The following WNT5A variants were observed in gnomAD, a reference collection of about 807,000 sequenced individuals.
WNT5A encodes the protein protein Wnt-5a.
WNT5A carries 9 observed loss-of-function variants against 42.1 expected under a neutral mutation model. The ratio of observed to expected loss-of-function variants is 0.21; its 90% CI spans 0.13 to 0.37. The LOEUF (loss-of-function observed/expected upper bound fraction) is 0.37, where lower values mean the gene tolerates loss of function less well. Ranked by LOEUF, WNT5A falls within the 10% of genes least tolerant of loss-of-function variation. The probability of loss-of-function intolerance (pLI) is 1.00; values close to 1 mark genes in which losing one functional copy is unlikely to be tolerated. For synonymous variants in WNT5A, 210 were observed against 210.0 expected (o/e 1.00, Z 0.00); for missense variants, 426 against 534.0 (o/e 0.80, Z 1.99).
the WNT5A span, among the ~76,000 whole-genome samples, chr3:55,498,721 C>A: frequency 1.3e-5 from 2 of 152,082 alleles, no homozygotes; most frequent in African/African-American, 4.8e-5. Context: ...CAGGTCGGGC[C>A]CATCAGAAGA....
the WNT5A span, among the ~76,000 whole-genome samples, chr3:55,504,533 G>A: frequency 5.3e-5 from 8 of 150,402 alleles, no homozygotes; most frequent in Admixed American, 2.7e-4. Context: ...GCGCGATATC[G>A]GCTCACCGCA....
intron 1 of WNT5A, among the ~76,000 whole-genome samples, chr3:55,484,414 G>A (rs1240034043): frequency 6.6e-6 from 1 of 152,188 alleles, no homozygotes; most frequent in East Asian, 1.9e-4. Context: ...TAAGCCTCAC[G>A]CCTGGGCGCA....
rs1415308903 is a variant in WNT5A, at chr3:55,466,284, C to T, written c.*3808G>A. 1 of 152,212 alleles carries T rather than the reference C, an allele frequency of 6.6e-6. No homozygotes were observed. Among genetic ancestry groups the T allele is most frequent in the Non-Finnish European group, 1.5e-5 (1 of 68,034 alleles). 9.4% of individuals were successfully genotyped at this position (152,212 alleles called of 1,614,324 possible). On this transcript the variant is annotated 3_prime_UTR_variant, in exon 5 of 5. Coordinates refer to ENST00000264634, the MANE Select transcript of WNT5A (RefSeq NM_003392.7). Reference sequence around the variant, plus strand: ...ATTAAATACATGCTTCAAGTTATAACTACCTTTTCTATCTCTCTATATATT... The same window carrying T: ...ATTAAATACATGCTTCAAGTTATAATTACCTTTTCTATCTCTCTATATATT...
chr3:55,473,903 C>T (rs2051298237), intron 4 of WNT5A, among the ~76,000 whole-genome samples: 2 of 152,172 alleles, frequency 1.3e-5, no homozygotes, highest in Admixed American at 6.5e-5. Flanking sequence ...TTCTGTGCTC[C>T]AGTAGCCAAA....
upstream of WNT5A, chr3:55,493,838 G>A (rs1559562866): frequency 6.6e-6 from 1 of 152,232 alleles, no homozygotes; most frequent in Non-Finnish European, 1.5e-5. Flanking sequence ...ACCCATATAA[G>A]GCTTGCCTTA....
upstream of WNT5A, among the ~76,000 whole-genome samples, chr3:55,488,974 A>T (rs1303914287): frequency 6.6e-6 from 1 of 151,106 alleles, no homozygotes; most frequent in Non-Finnish European, 1.5e-5. Context: ...GGGTAGTGGG[A>T]TGCATGATTG....
At chr3:55,484,244 G>A (rs2051528209) in intron 1 of WNT5A, among the ~76,000 whole-genome samples, 1 of 152,208 alleles carries the variant, frequency 6.6e-6, no homozygotes, top group South Asian at 2.1e-4. Context: ...AGCAAGGAGA[G>A]AGATGCAGAA....
the WNT5A span, among the ~76,000 whole-genome samples, chr3:55,499,017 G>C: frequency 1.3e-5 from 2 of 152,288 alleles, no homozygotes; most frequent in South Asian, 4.1e-4. Context: ...TATCCTCCTT[G>C]TCTTCTTTCT....
chr3:55,479,801 T>C (rs1375200372), intron 2 of WNT5A, among the ~76,000 whole-genome samples: 3 of 152,088 alleles, frequency 2.0e-5, no homozygotes, highest in Non-Finnish European at 2.9e-5. Flanking sequence ...GTATTTTCAC[T>C]CCCTTCCTAG....
chr3:55,486,853 G>A (rs2107007063), intron 1 of WNT5A, 127 bp downstream of exon 1: 2 of 767,264 alleles, frequency 2.6e-6, no homozygotes, highest in South Asian at 1.4e-5. Context: ...CAGCGACGCT[G>A]GAGTTCCAGC....
rs1368827765 is a variant in WNT5A, at chr3:55,470,258, T to C, written c.977A>G (p.Asn326Ser). 9 of 1,613,976 alleles carry C rather than the reference T, an allele frequency of 5.6e-6. No homozygotes were observed. The highest frequency in any genetic ancestry group is 5.3e-5 in the African/African-American group (4 of 74,950). ...GCCATCCATGCCCTCCGACGTCTTGTTGCACAGGCGGCCCTGCGTGCCCAG... is the reference window on the plus strand; with the variant it reads ...GCCATCCATGCCCTCCGACGTCTTGCTGCACAGGCGGCCCTGCGTGCCCAG... Reference protein sequence around the residue: ...GSLGTQGRLCNKTSEGMDGCE... With the variant: ...GSLGTQGRLCSKTSEGMDGCE... The change falls in exon 5 of 5, where the codon AAC (asparagine) becomes AGC (serine). Residue 326 changes from asparagine (N) to serine (S), a missense_variant. By Grantham distance (46) the Asn-to-Ser change is conservative. This residue lies in a region of WNT5A where 358 missense variants were observed against 468.1 expected (regional missense o/e 0.76). Coordinates refer to ENST00000264634, the MANE Select transcript of WNT5A (RefSeq NM_003392.7).
chr3:55,478,300 C>T (rs114049271), intron 3 of WNT5A, among the ~76,000 whole-genome samples: 23 of 151,728 alleles, frequency 1.5e-4, no homozygotes, highest in South Asian at 1.3e-3. Context: ...ATGTAATTTT[C>T]GGGGTTTTTT....
chr3:55,494,476 G>T (rs1221766495), upstream of WNT5A, among the ~76,000 whole-genome samples: 1 of 152,230 alleles, frequency 6.6e-6, no homozygotes, highest in Non-Finnish European at 1.5e-5. Context: ...TAATGCTCAA[G>T]TTTGGTCCAA....
Position 55,487,151 on chromosome 3 carries a change from C to G in WNT5A, c.-166G>C. On this transcript the variant is annotated 5_prime_UTR_variant, in exon 1 of 5. Transcript: ENST00000264634. ...CAGTGAACCGGAGCTGAAGCGGGCA[C>G]TGGCGCCCGGGCCTGGACTCCCGAG... 1 of 612,162 alleles carries G rather than the reference C, an allele frequency of 1.6e-6. No individual in the cohort carries two copies. The highest frequency in any genetic ancestry group is 2.8e-6 in the Non-Finnish European group (1 of 351,384). The allele number at this position is 612,162 out of a possible 1,614,324, so 37.9% of individuals were successfully genotyped here.
chr3:55,487,071 G>A lies in WNT5A; in HGVS notation c.-86C>T. 8.1e-7 allele frequency: 1 copy of A among 1,230,674 alleles called. No individual in the cohort carries two copies. Among genetic ancestry groups the A allele is most frequent in the Non-Finnish European group, 1.2e-6 (1 of 856,108 alleles). 76.2% of individuals were successfully genotyped at this position (1,230,674 alleles called of 1,614,324 possible). ...CGAGCGGAGCGACCGGGTTAAGCCT[G>A]GGGGGACGGTCAGGAGCAGGGCTGC... On this transcript the variant is annotated 5_prime_UTR_variant, in exon 1 of 5. Coordinates refer to ENST00000264634, the MANE Select transcript of WNT5A (RefSeq NM_003392.7).
chr3:55,494,737 C>T (rs2051697396), upstream of WNT5A, among the ~76,000 whole-genome samples: 1 of 152,156 alleles, frequency 6.6e-6, no homozygotes, highest in Non-Finnish European at 1.5e-5. Flanking sequence ...CAGCGTTTCA[C>T]CATGTTGGCC....
intron 3 of WNT5A, 25 bp from the exon 4 acceptor site, chr3:55,474,654 T>C (rs1575398762): frequency 1.6e-5 from 17 of 1,068,270 alleles, no homozygotes; most frequent in Non-Finnish European, 1.7e-5. Flanking sequence ...AAGGGATCAC[T>C]GGCCGCCTGC....
At chr3:55,484,685 T>TAC (rs67013864) in intron 1 of WNT5A, among the ~76,000 whole-genome samples, 6,243 of 137,836 alleles carry the variant, frequency 0.045, 165 homozygotes, top group Admixed American at 0.081. Context: ...GGCCCCAGGA[T>TAC]ACACACACAC....
chr3:55,472,820 C>T (rs2051277928), intron 4 of WNT5A, among the ~76,000 whole-genome samples: 1 of 152,184 alleles, frequency 6.6e-6, no homozygotes, highest in Non-Finnish European at 1.5e-5. Context: ...TAGAAGTTAT[C>T]ATCTATCAAG....
Sources: gnomAD v4.1 joint callset for allele counts (sites outside exome capture counted in the v4.1 genomes callset) on GRCh38, gnomAD v4.1.1 for gene constraint, gnomAD v4.1.1 regional missense constraint, MANE v1.5 for transcripts, NCBI Gene and HGNC (gene_info 2026-07-23, HGNC 2026-07-21) for gene names.